The following TMEM132B variants were observed in gnomAD, a reference collection of about 807,000 sequenced individuals.
TMEM132B encodes transmembrane protein 132B.
In TMEM132B, 18 loss-of-function variants were observed where a neutral mutation model predicts 90.8. That is an observed-to-expected ratio of 0.20 (90% CI 0.14 to 0.29). The LOEUF (loss-of-function observed/expected upper bound fraction) is 0.29, where lower values mean the gene tolerates loss of function less well. TMEM132B is among the 10% of genes least tolerant of loss of function. The pLI, the probability that TMEM132B is intolerant of heterozygous loss-of-function variation, is 1.00. For missense variants in TMEM132B, 1,096 were observed against 1,326.8 expected (o/e 0.83, Z 2.70); for synonymous variants, 504 against 523.3 (o/e 0.96, Z 0.50).
intron 3 of TMEM132B, among the ~76,000 whole-genome samples, chr12:125,465,069 T>C (rs1344240029): frequency 6.6e-6 from 1 of 152,236 alleles, no homozygotes; most frequent in African/African-American, 2.4e-5. Flanking sequence ...ATGATAATTG[T>C]GTTTTGGAAA....
intron 5 of TMEM132B, among the ~76,000 whole-genome samples, chr12:125,617,972 A>G (rs1002459728): frequency 6.6e-6 from 1 of 151,154 alleles, no homozygotes; most frequent in African/African-American, 2.4e-5. Flanking sequence ...AAAAAACTCC[A>G]TTATTTTTGA....
chr12:125,472,922 T>A (rs1174391510), intron 3 of TMEM132B, among the ~76,000 whole-genome samples: 4 of 152,170 alleles, frequency 2.6e-5, no homozygotes, highest in African/African-American at 4.8e-5. Flanking sequence ...TGTTTGTGAG[T>A]CCAGTTATGT....
intron 1 of TMEM132B, chr12:125,326,421 C>A: frequency 1.6e-6 from 1 of 637,136 alleles, no homozygotes; most frequent in Admixed American, 2.4e-5. Context: ...GTCACTTGCC[C>A]TCCTTGTTGA....
rs542846419 is a variant in TMEM132B at position 125,472,259 on chromosome 12, C to T, written c.1107-47180C>T. Among the ~76,000 whole-genome samples the T allele has an allele frequency of 4.6e-5, 7 of 152,218 alleles. No individual in the cohort carries two copies. In the East Asian group the frequency reaches 1.2e-3, roughly 25 times the overall value. On this transcript the variant is annotated intron_variant, in intron 3 of 8. Coordinates refer to ENST00000682704, the MANE Select transcript of TMEM132B (RefSeq NM_001366854.1). ...CAGTGCAGGGGGGTACAGCGATCACCCAGCATCTGAGGATGTGTGGTTGGC... is the reference window on the plus strand; with the variant it reads ...CAGTGCAGGGGGGTACAGCGATCACTCAGCATCTGAGGATGTGTGGTTGGC...
At position 125,350,216 on chromosome 12, in the gene TMEM132B, T is replaced by C. The variant is rs772168951; in HGVS notation, c.832T>C (p.Trp278Arg). The C allele has an allele frequency of 6.2e-7, 1 of 1,614,060 alleles. No homozygotes were observed. Among genetic ancestry groups the C allele is most frequent in the South Asian group, 1.1e-5 (1 of 91,044 alleles). Residue 278 changes from tryptophan to arginine, a missense_variant, in exon 2 of 9, where the codon TGG becomes CGG. Trp to Arg is a moderately radical substitution (Grantham distance 101, BLOSUM62 -3). Coordinates refer to ENST00000682704, the MANE Select transcript of TMEM132B (RefSeq NM_001366854.1). The part of the protein sequence containing the change: ...VVYPTQDDLK[W>R]SLVSLDENVV... ...CTACCCAACCCAAGATGATCTGAAG[T>C]GGTCCCTGGTGAGCTTGGACGAGAA...
chr12:125,640,876 T>G (rs1308253386), intron 5 of TMEM132B, among the ~76,000 whole-genome samples: 1 of 152,020 alleles, frequency 6.6e-6, no homozygotes, highest in African/African-American at 2.4e-5. Context: ...AGTTATAAAA[T>G]GCCTATGAAC....
chr12:125,591,145 CT>C (rs1005356087), intron 5 of TMEM132B, among the ~76,000 whole-genome samples: 1 of 152,040 alleles, frequency 6.6e-6, no homozygotes, highest in Non-Finnish European at 1.5e-5. Flanking sequence ...TGATAGTGGA[CT>C]TTTTTTGAAT....
intron 1 of TMEM132B, among the ~76,000 whole-genome samples, chr12:125,214,238 A>G (rs7957133): frequency 6.6e-6 from 1 of 152,232 alleles, no homozygotes; most frequent in Admixed American, 6.5e-5. Context: ...TAGGCTTCTG[A>G]TGTGGCTGAC....
intron 1 of TMEM132B, among the ~76,000 whole-genome samples, chr12:125,255,398 C>T (rs1235420840): frequency 6.6e-6 from 1 of 152,152 alleles, no homozygotes; most frequent in East Asian, 1.9e-4. Flanking sequence ...CATGGCTGTG[C>T]TGTAGGCTTT....
At chr12:125,441,129 G>C (rs149607965) in intron 3 of TMEM132B, among the ~76,000 whole-genome samples, 100 of 152,292 alleles carry the variant, frequency 6.6e-4, no homozygotes, top group African/African-American at 2.3e-3. Context: ...GTCTCTACAT[G>C]ATAGGGTTGT....
At chr12:125,390,945 C>A (rs936492098) in intron 2 of TMEM132B, among the ~76,000 whole-genome samples, 3 of 152,074 alleles carry the variant, frequency 2.0e-5, no homozygotes, top group African/African-American at 7.2e-5. Flanking sequence ...CAGGAGGTAA[C>A]TAACCTATTC....
intron 7 of TMEM132B, among the ~76,000 whole-genome samples, chr12:125,651,738 G>T (rs1409139967): frequency 6.6e-6 from 1 of 152,124 alleles, no homozygotes; most frequent in Non-Finnish European, 1.5e-5. Flanking sequence ...TCCAGGTCTC[G>T]GCTGGCCTGG....
intron 3 of TMEM132B, among the ~76,000 whole-genome samples, chr12:125,493,464 G>A (rs1882410832): frequency 6.6e-6 from 1 of 152,106 alleles, no homozygotes; most frequent in Admixed American, 6.5e-5. Flanking sequence ...AATCTGGAAG[G>A]TAGCTTGGGG....
chr12:125,293,411 CATAATACCCAGTA>C (rs72327698), intron 1 of TMEM132B, among the ~76,000 whole-genome samples: 7,183 of 152,240 alleles, frequency 0.047, 224 homozygotes, highest in Non-Finnish European at 0.069. Flanking sequence ...AGGTTCTAAG[CATAATACCCAGTA>C]GGTAGTTTTT....
chr12:125,229,554 T>C (rs1007212055), intron 1 of TMEM132B, among the ~76,000 whole-genome samples: 3 of 152,258 alleles, frequency 2.0e-5, no homozygotes, highest in African/African-American at 7.2e-5. Context: ...TGCATCAATG[T>C]ATCTATCTAT....
At position 125,349,789 on chromosome 12, in the gene TMEM132B, C is replaced by G; in HGVS notation, c.405C>G (p.Tyr135Ter). ...CCCACATCCTTGACAGCTCCATCTA[C>G]TCCAACAGACCCAAAGTGCAGACCT... ...LKSHILDSSI[Y>*]SNRPKVQTLF... The change falls in exon 2 of 9, where the codon TAC becomes TAG. Residue 135 changes from tyrosine to a stop codon, truncating the protein, a stop_gained. Coordinates refer to ENST00000682704, the MANE Select transcript of TMEM132B (RefSeq NM_001366854.1). LOFTEE classifies it high-confidence loss of function. This position sits in a 1 kb window ranked among gnomAD's most constrained non-coding sequence, Gnocchi z 4.1. 6.2e-7 allele frequency: 1 copy of G among 1,614,272 alleles called. No individual in the cohort carries two copies. Among genetic ancestry groups the G allele is most frequent in the Non-Finnish European group, 8.5e-7 (1 of 1,180,050 alleles).
rs1036737066 is a variant in TMEM132B at position 125,655,454 on chromosome 12, A to G, written c.*744A>G. 2 of 152,214 alleles carry G rather than the reference A, an allele frequency of 1.3e-5. No homozygotes were observed. Among genetic ancestry groups the G allele is most frequent in the African/African-American group, 2.4e-5 (1 of 41,448 alleles). The allele number at this position is 152,214 out of a possible 1,614,324, so 9.4% of individuals were successfully genotyped here. On this transcript the variant is annotated 3_prime_UTR_variant, in exon 9 of 9. Transcript: ENST00000682704. ...TCCTTTTGTTGTTGAACTTTCTTGT[A>G]TAACACTGGGACAAAGGGTTTTACT...
intron 5 of TMEM132B, among the ~76,000 whole-genome samples, chr12:125,636,711 C>G (rs1184945938): frequency 6.6e-6 from 1 of 152,196 alleles, no homozygotes; most frequent in South Asian, 2.1e-4. Flanking sequence ...AAGACTAAGA[C>G]TTTTGTCCCA....
Position 125,499,808 on chromosome 12 carries a change from A to G in TMEM132B, c.1107-19631A>G, listed in dbSNP as rs755346390. ...TACTGCTGATAATATTTTACTAATC[A>G]TAGGTTATGGAAAGATTGTGTTTCT... On this transcript the variant is annotated intron_variant, in intron 3 of 8. Transcript: ENST00000682704. Among the ~76,000 whole-genome samples, 3 of 152,222 alleles carry G rather than the reference A, an allele frequency of 2.0e-5. No individual in the cohort carries two copies. In the East Asian group the frequency reaches 5.8e-4, roughly 29 times the overall value.
Sources: gnomAD v4.1 joint callset for allele counts (sites outside exome capture counted in the v4.1 genomes callset) on GRCh38, gnomAD v4.1.1 for gene constraint, Gnocchi (gnomAD v3.1) non-coding constraint, MANE v1.5 for transcripts, NCBI Gene and HGNC (gene_info 2026-07-23, HGNC 2026-07-21) for gene names.